KCNH4: variants seen among roughly 807,000 people sequenced by gnomAD.
The protein encoded by KCNH4 is voltage-gated delayed rectifier potassium channel KCNH4.
Under a neutral mutation model 90.7 loss-of-function variants are expected in KCNH4, and 33 were observed. The observed-to-expected ratio is 0.36, with a 90% CI of 0.28 to 0.49. The LOEUF is 0.49. Among genes scored for constraint, KCNH4 ranks in the 20% least tolerant of loss-of-function variants. KCNH4 has a pLI of 0.98. For missense variants in KCNH4, 1,044 were observed against 1,387.1 expected (o/e 0.75, Z 3.93); for synonymous variants, 551 against 581.7 (o/e 0.95, Z 0.76).
chr17:42,165,363 G>T, intron 11 of KCNH4, 86 bp downstream of exon 11: 1 of 1,527,978 alleles, frequency 6.5e-7, no homozygotes, highest in South Asian at 1.2e-5. Flanking sequence ...TAGGGTGGAG[G>T]GAGGTTCATG....
chr17:42,158,392 G>T (rs55878532), intron 16 of KCNH4, among the ~76,000 whole-genome samples: 2 of 149,486 alleles, frequency 1.3e-5, no homozygotes, highest in Admixed American at 1.3e-4. Context: ...TTAGCTGGGC[G>T]TGGTGGCAGG....
intron 15 of KCNH4, 54 bp from the exon 16 acceptor site, chr17:42,160,489 AC>A: frequency 6.6e-7 from 1 of 1,507,632 alleles, no homozygotes; most frequent in Non-Finnish European, 8.9e-7. Flanking sequence ...AACAAGGTGC[AC>A]CCCCCTCTCC....
Position 42,178,393 on chromosome 17 carries a change from T to C in KCNH4, c.395A>G (p.Asp132Gly). The C allele has an allele frequency of 6.2e-7, 1 of 1,614,220 alleles. No homozygotes were observed. Among genetic ancestry groups the C allele is most frequent in the Non-Finnish European group, 8.5e-7 (1 of 1,180,040 alleles). The change falls in exon 3 of 17, where the codon GAT becomes GGT. Residue 132 changes from aspartate to glycine, a missense_variant. Asp to Gly is a moderately conservative substitution (Grantham distance 94). Coordinates refer to ENST00000264661, the MANE Select transcript of KCNH4 (RefSeq NM_012285.3). ...EVVLFLFSFK[D>G]ITQSGSPGLG... The stretch of plus-strand genomic sequence containing the variant: ...TCCTGGGCTTCCACTCTGAGTGATA[T>C]CCTTGAAGGAAAAGAGGAACAGCAC...
chr17:42,158,511 A>G (rs1163162199), intron 16 of KCNH4, among the ~76,000 whole-genome samples: 3 of 146,244 alleles, frequency 2.1e-5, no homozygotes, highest in Non-Finnish European at 4.5e-5. Flanking sequence ...AGCCTGGGCG[A>G]CAGAGTGAGA....
rs374444136 is a variant in KCNH4 at position 42,180,956 on chromosome 17, C to T, written c.-11G>A. ...CTTCATGACCGGCATGGCCCCGGGG[C>T]GTGGGTTCAAGGCGCGGCGCTGGGG... On this transcript the variant is annotated 5_prime_UTR_variant, in exon 1 of 17. Transcript: ENST00000264661. This position sits in a 1 kb window ranked among gnomAD's most constrained non-coding sequence, Gnocchi z 4.7. 3 of 1,610,822 alleles carry T rather than the reference C, an allele frequency of 1.9e-6. No homozygotes were observed. The highest frequency in any genetic ancestry group is 2.5e-6 in the Non-Finnish European group (3 of 1,178,566).
rs371473374 is a variant in KCNH4 at position 42,178,841 on chromosome 17, C to G, written c.262G>C (p.Glu88Gln). 1 of 1,614,014 alleles carries G rather than the reference C, an allele frequency of 6.2e-7. No homozygotes were observed. Among genetic ancestry groups the G allele is most frequent in the African/African-American group, 1.3e-5 (1 of 74,946 alleles). The stretch of plus-strand genomic sequence containing the variant: ...TCAGCCCGGTGCTCCTGGTGGCCCT[C>G]CAGGGCTTTGTGCAGACGCTGCAGG... ...PALQRLHKAL[E>Q]GHQEHRAEIC... Residue 88 changes from glutamate (E) to glutamine (Q), a missense_variant, in exon 2 of 17, where the codon GAG becomes CAG. Around this residue, in one of 4 missense-constraint regions of KCNH4, gnomAD observed 283 missense variants for 378.6 expected, o/e 0.75. Coordinates refer to ENST00000264661, the MANE Select transcript of KCNH4 (RefSeq NM_012285.3).
chr17:42,166,125 T>TC (rs1244204696), intron 10 of KCNH4, among the ~76,000 whole-genome samples, 172 bp downstream of exon 10: 1 of 151,858 alleles, frequency 6.6e-6, no homozygotes, highest in East Asian at 1.9e-4. Context: ...GGGGGAATTG[T>TC]CTAAAGGCGA....
rs1039196287 is a variant in KCNH4 at position 42,181,025 on chromosome 17, G to T, written c.-80C>A. The T allele has an allele frequency of 1.7e-5, 22 of 1,324,032 alleles. No homozygotes were observed. In the African/African-American group the frequency reaches 3.0e-4, roughly 18 times the overall value. The allele number at this position is 1,324,032 out of a possible 1,614,324, so 82.0% of individuals were successfully genotyped here. Reference sequence around the variant, plus strand: ...GCCGGAGGGGGCGCGCTGTCGGAGGGGCCGGGGCGCCCCATGCGCCCTCCT... The same window carrying T: ...GCCGGAGGGGGCGCGCTGTCGGAGGTGCCGGGGCGCCCCATGCGCCCTCCT... On this transcript the variant is annotated 5_prime_UTR_variant, in exon 1 of 17. Coordinates refer to ENST00000264661, the MANE Select transcript of KCNH4 (RefSeq NM_012285.3).
chr17:42,157,733 G>A lies in KCNH4; in HGVS notation c.*310-615C>T, dbSNP rs545789298. On this transcript the variant is annotated intron_variant, in intron 16 of 16. Transcript: ENST00000264661. ...AGAGATCCTCCCACCTCAGCTTCCA[G>A]AGTAGCTGGGACCACAGGCACACAC... 2.8e-4 allele frequency among the ~76,000 whole-genome samples: 43 copies of A among 152,190 alleles called. No homozygotes were observed. The East Asian group carries it at 7.7e-3, about 27-fold the overall frequency.
chr17:42,170,444 C>A, intron 7 of KCNH4, 143 bp from the exon 8 acceptor site: 1 of 660,936 alleles, frequency 1.5e-6, no homozygotes, highest in Non-Finnish European at 2.5e-6. Context: ...GGGCCTGTGT[C>A]TCCCCATGGT....
At chr17:42,164,303 C>T (rs998762386) in intron 11 of KCNH4, 135 bp from the exon 12 acceptor site, 4 of 761,648 alleles carry the variant, frequency 5.3e-6, no homozygotes, top group Non-Finnish European at 8.3e-6. Flanking sequence ...GAAACTATAA[C>T]CCTAACTCAA....
chr17:42,166,470 A>G lies in KCNH4; in HGVS notation c.1667T>C (p.Leu556Ser), dbSNP rs1183222320. ...GCAGCCCCTGCTCGCTGCCCCGAAC[A>G]ACGGCAGCTGCAGGATCTCCCGATT... The part of the protein sequence containing the change: ...HLNREILQLP[L>S]FGAASRGCLR... The change falls in exon 10 of 17, where the codon TTG becomes TCG. Residue 556 changes from leucine (L) to serine (S), a missense_variant. Coordinates refer to ENST00000264661, the MANE Select transcript of KCNH4 (RefSeq NM_012285.3). The G allele has an allele frequency of 1.9e-6, 3 of 1,614,048 alleles. No homozygotes were observed. The highest frequency in any genetic ancestry group is 1.1e-5 in the South Asian group (1 of 91,084).
intron 14 of KCNH4, 140 bp from the exon 15 acceptor site, chr17:42,162,461 ACTC>A (rs2079755732): frequency 1.6e-6 from 1 of 636,814 alleles, no homozygotes; most frequent in Admixed American, 3.0e-5. Flanking sequence ...GGAAACCTAA[ACTC>A]CTTAGCCTGG....
rs1568031791 is a variant in KCNH4 at position 42,163,267 on chromosome 17, G to A, written c.2545C>T (p.Pro849Ser). ...EAPSFRFSRR[P>S]ELPRPRSQAP... ...TGGGAGCGGGGCCTTGGCAGTTCAGGCCTCCTGCTGAATCGGAATGAAGGG... is the reference window on the plus strand; with the variant it reads ...TGGGAGCGGGGCCTTGGCAGTTCAGACCTCCTGCTGAATCGGAATGAAGGG... The change falls in exon 14 of 17, where the codon CCT (proline) becomes TCT (serine). Residue 849 changes from proline (P) to serine (S), a missense_variant. This residue lies in a region of KCNH4 where 441 missense variants were observed against 512.3 expected (regional missense o/e 0.86). Transcript: ENST00000264661. This position sits in a 1 kb window ranked among gnomAD's most constrained non-coding sequence, Gnocchi z 5.4. The A allele has an allele frequency of 7.4e-6, 12 of 1,613,962 alleles. No homozygotes were observed. Among genetic ancestry groups the A allele is most frequent in the African/African-American group, 1.3e-5 (1 of 74,932 alleles).
chr17:42,170,430 G>T (rs746776824), intron 7 of KCNH4, 129 bp from the exon 8 acceptor site: 3 of 755,792 alleles, frequency 4.0e-6, no homozygotes, highest in East Asian at 2.9e-5. Context: ...GTGGGGAGTG[G>T]CCTGGGCCTG....
In KCNH4 at chr17:42,163,584, G is replaced by T; in HGVS notation, c.2477+22C>A. On this transcript the variant is annotated intron_variant, in intron 13 of 16. Coordinates refer to ENST00000264661, the MANE Select transcript of KCNH4 (RefSeq NM_012285.3). This position sits in a 1 kb window ranked among gnomAD's most constrained non-coding sequence, Gnocchi z 5.4. The stretch of plus-strand genomic sequence containing the variant: ...GGAAGCCAATAGGGGTTTTGGGAAA[G>T]CAGGGGAGGCTGGCGTCTCACCGGG... 8.9e-7 allele frequency: 1 copy of T among 1,126,970 alleles called. No individual in the cohort carries two copies. The highest frequency in any genetic ancestry group is 1.3e-6 in the Non-Finnish European group (1 of 781,702). The allele number at this position is 1,126,970 out of a possible 1,614,324, so 69.8% of individuals were successfully genotyped here.
intron 6 of KCNH4, among the ~76,000 whole-genome samples, chr17:42,173,973 A>T (rs1567641660): frequency 6.6e-6 from 1 of 151,250 alleles, no homozygotes; most frequent in Non-Finnish European, 1.5e-5. Flanking sequence ...AAGTGCTGGG[A>T]TTACAGGGTG....
intron 6 of KCNH4, among the ~76,000 whole-genome samples, chr17:42,175,376 G>C (rs984814157): frequency 2.6e-5 from 4 of 152,252 alleles, no homozygotes; most frequent in African/African-American, 9.6e-5. Context: ...CTCAAAGATT[G>C]TGAGCTGAGC....
Position 42,160,045 on chromosome 17 carries a change from G to A in KCNH4, c.3049C>T (p.His1017Tyr), listed in dbSNP as rs192357247. The A allele has an allele frequency of 5.4e-4, 817 of 1,519,396 alleles. 10 individuals carry two copies. The East Asian group carries it at 0.017, about 32-fold the overall frequency. The allele number at this position is 1,519,396 out of a possible 1,614,324, so 94.1% of individuals were successfully genotyped here. ...HSFQSRSDTFH is the reference protein window; with the variant it reads ...HSFQSRSDTFY ...GCCTGGGCCCTGGGCCAGGGTCAGT[G>A]GAACGTGTCTGACCTGGACTGGAAA... Residue 1017 changes from histidine to tyrosine, a missense_variant, in exon 16 of 17, where the codon CAC becomes TAC. By Grantham distance (83) the His-to-Tyr change is moderately conservative (BLOSUM62 2). This residue lies in a region of KCNH4 where 441 missense variants were observed against 512.3 expected (regional missense o/e 0.86). Coordinates refer to ENST00000264661, the MANE Select transcript of KCNH4 (RefSeq NM_012285.3).
Sources: gnomAD v4.1 joint callset for allele counts (sites outside exome capture counted in the v4.1 genomes callset) on GRCh38, gnomAD v4.1.1 for gene constraint, gnomAD v4.1.1 regional missense constraint, Gnocchi (gnomAD v3.1) non-coding constraint, MANE v1.5 for transcripts, NCBI Gene and HGNC (gene_info 2026-07-23, HGNC 2026-07-21) for gene names.